The following IQCK variants were observed in gnomAD, a reference collection of about 807,000 sequenced individuals.
IQCK encodes IQ motif containing K.
In IQCK, 29 loss-of-function variants were observed where a neutral mutation model predicts 28.1. The ratio of observed to expected loss-of-function variants is 1.03; its 90% confidence interval spans 0.77 to 1.41. IQCK has a LOEUF of 1.41. IQCK is among the 40% of genes most tolerant of loss of function. The pLI is 0.00. For missense variants in IQCK, 359 were observed against 314.7 expected (o/e 1.14, Z -1.07); for synonymous variants, 113 against 115.1 (o/e 0.98, Z 0.12).
At chr16:19,746,129 G>T (rs1022856097) in intron 4 of IQCK, among the ~76,000 whole-genome samples, 6 of 148,322 alleles carry the variant, frequency 4.0e-5, no homozygotes, top group African/African-American at 1.5e-4. Flanking sequence ...GATCCAGCTT[G>T]GGGGACAGAG....
intron 6 of IQCK, among the ~76,000 whole-genome samples, chr16:19,776,624 G>T (rs2055399066): frequency 1.3e-5 from 2 of 152,180 alleles, no homozygotes; most frequent in Non-Finnish European, 1.5e-5. Flanking sequence ...CAGCAGAATT[G>T]CCGGAACCCG....
At chr16:19,858,275 G>C (rs2056588832) in exon 10 of IQCK, 4 of 405,574 alleles carry the variant, frequency 9.9e-6, no homozygotes, top group Non-Finnish European at 1.3e-5. Flanking sequence ...AACCTTAAAA[G>C]CCAAAATAAA....
intron 1 of IQCK, among the ~76,000 whole-genome samples, chr16:19,729,670 A>T (rs1977767734): frequency 6.6e-6 from 1 of 151,010 alleles, no homozygotes; most frequent in Non-Finnish European, 1.5e-5. Flanking sequence ...TTTGAGATGG[A>T]GTCTCGCTCT....
At chr16:19,822,049 C>A (rs1435617975) in intron 7 of IQCK, among the ~76,000 whole-genome samples, 8 of 101,876 alleles carry the variant, frequency 7.9e-5, no homozygotes, top group Admixed American at 4.4e-4. Flanking sequence ...ATCTGGGCGA[C>A]AGAATGAGAC....
chr16:19,821,396 A>C (rs918785966), intron 7 of IQCK, among the ~76,000 whole-genome samples: 1 of 151,950 alleles, frequency 6.6e-6, no homozygotes. Flanking sequence ...TAGGTCTACA[A>C]CTCCCCTTCC....
intron 6 of IQCK, among the ~76,000 whole-genome samples, chr16:19,781,860 G>T (rs2055489468): frequency 6.6e-6 from 1 of 151,802 alleles, no homozygotes; most frequent in Admixed American, 6.6e-5. Flanking sequence ...GTGGTGGCAG[G>T]CGCCTGTAAT....
chr16:19,843,447 T>C (rs932653861), intron 9 of IQCK, among the ~76,000 whole-genome samples: 5 of 152,242 alleles, frequency 3.3e-5, no homozygotes, highest in Non-Finnish European at 5.9e-5. Context: ...GGACAGTTCA[T>C]ATAAATGGAA....
At chr16:19,730,325 AC>A in intron 1 of IQCK, 104 bp from the exon 2 acceptor site, 1 of 838,674 alleles carries the variant, frequency 1.2e-6, no homozygotes, top group Non-Finnish European at 1.8e-6. Context: ...TCTGTACACC[AC>A]CAGCCAAAAT....
intron 7 of IQCK, among the ~76,000 whole-genome samples, chr16:19,814,214 CTA>C (rs1181065555): frequency 3.1e-5 from 3 of 98,308 alleles, no homozygotes; most frequent in African/African-American, 1.3e-4. Flanking sequence ...GAGCAAAACT[CTA>C]TCTCAAAAAA....
chr16:19,832,842 GA>G (rs1419508176), intron 9 of IQCK, among the ~76,000 whole-genome samples: 3 of 152,100 alleles, frequency 2.0e-5, no homozygotes, highest in African/African-American at 7.2e-5. Context: ...GAGAGAGAGT[GA>G]GGGGGGAACT....
intron 1 of IQCK, among the ~76,000 whole-genome samples, chr16:19,721,824 C>G (rs1163656151): frequency 2.0e-5 from 3 of 152,100 alleles, no homozygotes; most frequent in Non-Finnish European, 4.4e-5. Flanking sequence ...GCAGTCAGCC[C>G]GCCTCATCCT....
rs182857736 is a variant in IQCK at position 19,812,110 on chromosome 16, C to A, written c.691-14916C>A. ...TCAAGCAATTCTTCTGCCTTAGCCT[C>A]CCCAGTGGCTGGGATTACAGGCGTG... On this transcript the variant is annotated intron_variant, in intron 7 of 7. Coordinates refer to ENST00000564186, the Ensembl canonical transcript of IQCK. Among the ~76,000 whole-genome samples the A allele has an allele frequency of 1.8e-3, 271 of 151,948 alleles. 2 individuals carry two copies. The highest frequency in any genetic ancestry group is 6.0e-3 in the African/African-American group (248 of 41,412).
rs143490769 is a variant in IQCK at position 19,783,421 on chromosome 16, C to T, written c.606-5417C>T. Among the ~76,000 whole-genome samples, 556 of 152,208 alleles carry T rather than the reference C, an allele frequency of 3.7e-3. 4 individuals carry two copies. The highest frequency in any genetic ancestry group is 0.013 in the African/African-American group (523 of 41,524). On this transcript the variant is annotated intron_variant, in intron 6 of 7. Transcript: ENST00000564186. ...ACATACCCAGCAGTGCTATCGTGCC[C>T]GTCTGAACATGCAAAAACGTCTGCT...
downstream of IQCK, among the ~76,000 whole-genome samples, chr16:19,831,745 C>T (rs917576291): frequency 6.6e-6 from 1 of 151,884 alleles, no homozygotes; most frequent in African/African-American, 2.4e-5. Context: ...CATTGTGCTC[C>T]GGCATTTACA....
At chr16:19,851,745 C>T (rs1248106721) in intron 9 of IQCK, among the ~76,000 whole-genome samples, 1 of 152,098 alleles carries the variant, frequency 6.6e-6, no homozygotes, top group Non-Finnish European at 1.5e-5. Flanking sequence ...ATAGGGGTGC[C>T]GAGGCATCTG....
rs150132758 is a variant in IQCK, at chr16:19,718,445, A to G, written c.139A>G (p.Thr47Ala). Residue 47 changes from threonine to alanine, a missense_variant, in exon 1 of 8, where the codon ACC (threonine) becomes GCC (alanine). Coordinates refer to ENST00000564186, the Ensembl canonical transcript of IQCK. ...GCTGCCTGTCTCGTCGTGGCAGGTC[A>G]CCGAGCCGTCAAGCAAGAATCTGTG... 1,343 of 1,606,012 alleles carry G rather than the reference A, an allele frequency of 8.4e-4. 11 individuals carry two copies. In the African/African-American group the frequency reaches 0.015, roughly 18 times the overall value.
At chr16:19,828,074 G>A (rs1159533047), downstream of IQCK, among the ~76,000 whole-genome samples, 1 of 151,678 alleles carries the variant, frequency 6.6e-6, no homozygotes, top group Non-Finnish European at 1.5e-5. Context: ...CACCACGCCT[G>A]GGTAATTTTT....
chr16:19,817,311 T>C (rs1204441409), intron 7 of IQCK, among the ~76,000 whole-genome samples: 1 of 152,180 alleles, frequency 6.6e-6, no homozygotes, highest in African/African-American at 2.4e-5. Flanking sequence ...TTGGCACAAC[T>C]ACTGCCATTG....
chr16:19,810,350 A>G (rs1406860324), intron 7 of IQCK, among the ~76,000 whole-genome samples: 1 of 151,310 alleles, frequency 6.6e-6, no homozygotes, highest in Admixed American at 6.6e-5. Context: ...ACAAAAAATT[A>G]GCCGGGTGTG....
Sources: allele counts gnomAD v4.1 joint callset (sites outside exome capture counted in the v4.1 genomes callset), GRCh38; gene constraint gnomAD v4.1.1; transcripts MANE v1.5; gene names NCBI Gene and HGNC (gene_info 2026-07-23, HGNC 2026-07-21).